The following GABRB1 variants were observed in gnomAD, a reference collection of about 807,000 sequenced individuals.
GABRB1 encodes gamma-aminobutyric acid receptor subunit beta-1.
GABRB1 carries 17 observed loss-of-function variants against 51.6 expected under a neutral mutation model. That is an observed-to-expected ratio of 0.33 (90% CI 0.23 to 0.49). The LOEUF (loss-of-function observed/expected upper bound fraction) is 0.49, where lower values mean the gene tolerates loss of function less well. GABRB1 is among the 20% of genes least tolerant of loss of function. GABRB1 has a pLI of 0.99. For synonymous variants in GABRB1, 247 were observed against 218.9 expected (o/e 1.13, Z -1.14); for missense variants, 410 against 600.6 (o/e 0.68, Z 3.32).
At chr4:47,335,731 A>G (rs1725673748) in intron 5 of GABRB1, among the ~76,000 whole-genome samples, 1 of 152,174 alleles carries the variant, frequency 6.6e-6, no homozygotes, top group Admixed American at 6.6e-5. Flanking sequence ...TTGAAGATGA[A>G]TAATAATGCT....
chr4:47,010,926 C>T lies in GABRB1; in HGVS notation c.-20+17000C>T, dbSNP rs563206867. On this transcript the variant is annotated intron_variant, in intron 1 of 3. Transcript: ENST00000513567. ...AACAAAGTGTTAGTTCTATTAATAA[C>T]TCACACAGTGGATTTTTGAACCTGA... Among the ~76,000 whole-genome samples the T allele has an allele frequency of 5.9e-5, 9 of 152,240 alleles. No homozygotes were observed. In the South Asian group the frequency reaches 1.9e-3, roughly 32 times the overall value.
chr4:47,030,210 C>T (rs1311194774), upstream of GABRB1, among the ~76,000 whole-genome samples: 1 of 152,070 alleles, frequency 6.6e-6, no homozygotes, highest in East Asian at 1.9e-4. Flanking sequence ...ATGTTATGTA[C>T]CTTCACTCTA....
At chr4:47,285,502 T>C (rs1723474407) in intron 4 of GABRB1, among the ~76,000 whole-genome samples, 1 of 152,234 alleles carries the variant, frequency 6.6e-6, no homozygotes, top group Non-Finnish European at 1.5e-5. Context: ...TTTTCTCTTT[T>C]AGTTTATCCA....
rs188015246 is a variant in GABRB1, at chr4:47,203,726, A to G, written c.461+42257A>G. ...TCAATGGTCCCATGGGCACAACACC[A>G]GATTGCCATGCATATTGATTTTTCT... is the stretch of plus-strand genomic sequence containing the variant. On this transcript the variant is annotated intron_variant, in intron 4 of 8. Transcript: ENST00000295454. 2.6e-5 allele frequency among the ~76,000 whole-genome samples: 4 copies of G among 152,200 alleles called. No individual in the cohort carries two copies. The East Asian group carries it at 7.7e-4, about 29-fold the overall frequency.
At chr4:47,040,210 T>C (rs1725778330) in intron 3 of GABRB1, among the ~76,000 whole-genome samples, 1 of 152,200 alleles carries the variant, frequency 6.6e-6, no homozygotes, top group Admixed American at 6.5e-5. Context: ...ACCCTAATCC[T>C]GAAATGCAGA....
intron 4 of GABRB1, among the ~76,000 whole-genome samples, chr4:47,169,351 T>C (rs1250307141): frequency 6.6e-6 from 1 of 152,180 alleles, no homozygotes; most frequent in Admixed American, 6.5e-5. Flanking sequence ...AACAAGTTAT[T>C]TTCCATAAAA....
intron 4 of GABRB1, among the ~76,000 whole-genome samples, chr4:47,205,193 T>A (rs1720064640): frequency 6.6e-6 from 1 of 152,102 alleles, no homozygotes; most frequent in Non-Finnish European, 1.5e-5. Flanking sequence ...AAAGGCAAAT[T>A]TACATGGACT....
At chr4:47,246,118 T>C (rs1721728700) in intron 4 of GABRB1, among the ~76,000 whole-genome samples, 1 of 149,716 alleles carries the variant, frequency 6.7e-6, no homozygotes, top group Non-Finnish European at 1.5e-5. Flanking sequence ...TCTTATGCCT[T>C]TGCATCCTCA....
intron 4 of GABRB1, among the ~76,000 whole-genome samples, chr4:47,275,565 AT>A (rs1437088493): frequency 6.6e-6 from 1 of 152,166 alleles, no homozygotes; most frequent in Non-Finnish European, 1.5e-5. Context: ...CAAAGAGTAT[AT>A]CTTATCTTCT....
intron 3 of GABRB1, among the ~76,000 whole-genome samples, chr4:47,131,915 T>A (rs1716434407): frequency 6.6e-6 from 1 of 152,160 alleles, no homozygotes; most frequent in South Asian, 2.1e-4. Flanking sequence ...GCTCCTAGAA[T>A]CAGAATTTGA....
intron 8 of GABRB1, among the ~76,000 whole-genome samples, chr4:47,412,710 A>G (rs570203699): frequency 3.3e-5 from 5 of 152,244 alleles, no homozygotes; most frequent in Admixed American, 6.5e-5. Flanking sequence ...AGAAAGAGAA[A>G]TGCTCTCTCC....
chr4:47,024,400 CA>C (rs2109455554), intron 1 of GABRB1, among the ~76,000 whole-genome samples: 1 of 151,952 alleles, frequency 6.6e-6, no homozygotes, highest in East Asian at 1.9e-4. Flanking sequence ...ATGGCTAATA[CA>C]TTTCTAATGA....
intron 4 of GABRB1, among the ~76,000 whole-genome samples, chr4:47,163,159 A>G (rs1255551161): frequency 6.6e-6 from 1 of 152,070 alleles, no homozygotes; most frequent in African/African-American, 2.4e-5. Flanking sequence ...ATTTGTTAAG[A>G]CTTAGTTTTA....
chr4:47,039,690 T>C (rs1725747417), intron 3 of GABRB1, among the ~76,000 whole-genome samples: 2 of 152,170 alleles, frequency 1.3e-5, no homozygotes, highest in African/African-American at 4.8e-5. Context: ...TTAGCAATTG[T>C]GTAGAAGTTC....
chr4:47,255,468 A>C lies in GABRB1; in HGVS notation c.462-64659A>C, dbSNP rs563792117. Among the ~76,000 whole-genome samples, 55 of 152,368 alleles carry C rather than the reference A, an allele frequency of 3.6e-4. 1 individual carries two copies. In the South Asian group the frequency reaches 9.9e-3, roughly 28 times the overall value. On this transcript the variant is annotated intron_variant, in intron 4 of 8. Coordinates refer to ENST00000295454, the MANE Select transcript of GABRB1 (RefSeq NM_000812.4). Reference sequence around the variant, plus strand: ...TGAACAAATAATGAGATTCAGGGAAACTAAAGTTAATTTGTTATCAATAAA... The same window carrying C: ...TGAACAAATAATGAGATTCAGGGAACCTAAAGTTAATTTGTTATCAATAAA...
chr4:47,056,541 C>T (rs139235979), intron 3 of GABRB1, among the ~76,000 whole-genome samples: 3 of 152,180 alleles, frequency 2.0e-5, no homozygotes, highest in African/African-American at 7.2e-5. Flanking sequence ...CATCAAAAGT[C>T]AAACATGAGT....
At chr4:47,087,069 A>C (rs1728108412) in intron 3 of GABRB1, among the ~76,000 whole-genome samples, 1 of 152,160 alleles carries the variant, frequency 6.6e-6, no homozygotes, top group African/African-American at 2.4e-5. Flanking sequence ...GTCTCACAAA[A>C]TGCTTCGTGG....
intron 4 of GABRB1, among the ~76,000 whole-genome samples, chr4:47,317,334 T>A (rs1326616831): frequency 1.3e-5 from 2 of 152,030 alleles, no homozygotes; most frequent in Admixed American, 6.6e-5. Context: ...CTCTTGACAA[T>A]TTTTTAATTC....
intron 3 of GABRB1, among the ~76,000 whole-genome samples, chr4:47,139,412 C>T (rs555676794): frequency 6.6e-6 from 1 of 152,134 alleles, no homozygotes; most frequent in South Asian, 2.1e-4. Flanking sequence ...TCTATTTCTC[C>T]ATCTCAGGAC....
Sources: gnomAD v4.1 joint callset for allele counts (sites outside exome capture counted in the v4.1 genomes callset) on GRCh38, gnomAD v4.1.1 for gene constraint, MANE v1.5 for transcripts, NCBI Gene and HGNC (gene_info 2026-07-23, HGNC 2026-07-21) for gene names.